Variants in PDZD2 observed in about 807,000 individuals in gnomAD.
PDZD2 encodes PDZ domain-containing protein 2.
Under a neutral mutation model 220.7 loss-of-function variants are expected in PDZD2, and 90 were observed. The ratio of observed to expected loss-of-function variants is 0.41; its 90% CI spans 0.34 to 0.49. The LOEUF (loss-of-function observed/expected upper bound fraction) is 0.49, where lower values mean the gene tolerates loss of function less well. Ranked by LOEUF, PDZD2 falls within the 20% of genes least tolerant of loss-of-function variation. The pLI, the probability that PDZD2 is intolerant of heterozygous loss-of-function variation, is 0.28. For missense variants in PDZD2, 3,174 were observed against 3,608.5 expected, an observed-to-expected ratio of 0.88 and a Z score of 3.08; for synonymous variants, 1,375 against 1,450.5, an observed-to-expected ratio of 0.95 and a Z score of 1.18.
intron 1 of PDZD2, among the ~76,000 whole-genome samples, chr5:31,750,406 T>C (rs1240655822): frequency 6.6e-6 from 1 of 152,134 alleles, no homozygotes; most frequent in Non-Finnish European, 1.5e-5. Context: ...TAGCAAGCAG[T>C]TGTCATGTAC....
At chr5:31,789,779 G>A (rs966435471) in intron 1 of PDZD2, among the ~76,000 whole-genome samples, 2 of 152,136 alleles carry the variant, frequency 1.3e-5, no homozygotes, top group Admixed American at 1.3e-4. Context: ...CTAGCCGGGT[G>A]TGGTGGCGGG....
intron 2 of PDZD2, among the ~76,000 whole-genome samples, chr5:31,905,409 C>T (rs528375171): frequency 8.2e-4 from 125 of 152,266 alleles, no homozygotes; most frequent in African/African-American, 3.0e-3. Context: ...CTCTTTTTCC[C>T]CTTCTCTACC....
chr5:31,736,130 C>G (rs1034180237), intron 1 of PDZD2, among the ~76,000 whole-genome samples: 8 of 152,142 alleles, frequency 5.3e-5, no homozygotes, highest in African/African-American at 1.7e-4. Flanking sequence ...CAGTTTTCAG[C>G]TATTCACTGG....
chr5:31,984,820 C>G (rs532498215), intron 3 of PDZD2, among the ~76,000 whole-genome samples: 2 of 152,144 alleles, frequency 1.3e-5, no homozygotes, highest in African/African-American at 4.8e-5. Context: ...AGAGCAATAC[C>G]CTGTCTCAAA....
At chr5:32,002,864 C>CA (rs1284027213) in intron 5 of PDZD2, among the ~76,000 whole-genome samples, 4 of 125,660 alleles carry the variant, frequency 3.2e-5, no homozygotes, top group African/African-American at 9.0e-5. Context: ...ACACACACAC[C>CA]CCACATACCA....
intron 1 of PDZD2, among the ~76,000 whole-genome samples, chr5:31,742,854 A>G (rs1750352506): frequency 1.3e-5 from 2 of 152,222 alleles, no homozygotes; most frequent in South Asian, 4.1e-4. Context: ...CTCTAAAAGC[A>G]TTTGGCTTAC....
chr5:31,974,241 A>G (rs1749554581), intron 2 of PDZD2, among the ~76,000 whole-genome samples: 1 of 152,296 alleles, frequency 6.6e-6, no homozygotes, highest in South Asian at 2.1e-4. Flanking sequence ...TTGGCCTCCA[A>G]AAGTGCTGGG....
At chr5:31,833,483 A>G (rs1248316972) in intron 2 of PDZD2, among the ~76,000 whole-genome samples, 2 of 2,496 alleles carry the variant, frequency 8.0e-4, no homozygotes, top group East Asian at 2.6e-3. Context: ...AAAAAGAAAA[A>G]AAAAAAAAAA....
At chr5:32,054,357 T>A (rs1738897122) in intron 10 of PDZD2, among the ~76,000 whole-genome samples, 1 of 119,702 alleles carries the variant, frequency 8.4e-6, no homozygotes, top group Admixed American at 1.1e-4. Flanking sequence ...AGGGTCTCAA[T>A]CTATCACCCA....
intron 3 of PDZD2, among the ~76,000 whole-genome samples, chr5:31,987,731 A>G (rs1229823132): frequency 6.6e-6 from 1 of 152,068 alleles, no homozygotes; most frequent in African/African-American, 2.4e-5. Context: ...CCCATCCCCA[A>G]AGTTTGCCCA....
At chr5:31,822,254 A>G (rs956563696) in intron 2 of PDZD2, among the ~76,000 whole-genome samples, 1 of 149,620 alleles carries the variant, frequency 6.7e-6, no homozygotes, top group Non-Finnish European at 1.5e-5. Flanking sequence ...ACATACACAA[A>G]CTTTTTTTCA....
chr5:31,936,436 T>A, intron 2 of PDZD2: 1 of 656,080 alleles, frequency 1.5e-6, no homozygotes. Flanking sequence ...ATTTTTTAAT[T>A]ATATGAGAGA....
chr5:31,817,862 C>A (rs1025239579), intron 2 of PDZD2, among the ~76,000 whole-genome samples: 2 of 151,950 alleles, frequency 1.3e-5, no homozygotes, highest in African/African-American at 4.8e-5. Context: ...CAGGATTTCA[C>A]CATGTTCGTA....
intron 1 of PDZD2, among the ~76,000 whole-genome samples, chr5:31,667,201 A>ACTC (rs2150115624): frequency 7.9e-6 from 1 of 127,336 alleles, no homozygotes; most frequent in East Asian, 2.4e-4. Context: ...GCGCCACTGC[A>ACTC]CTCTAACCTG....
intron 2 of PDZD2, chr5:31,923,677 G>A (rs1744491983): frequency 1.6e-6 from 1 of 645,138 alleles, no homozygotes; most frequent in African/African-American, 1.8e-5. Flanking sequence ...GTAGCAGAGT[G>A]GAACTTGTAC....
chr5:31,976,352 A>G (rs1749764932), intron 2 of PDZD2, among the ~76,000 whole-genome samples: 1 of 152,228 alleles, frequency 6.6e-6, no homozygotes, highest in South Asian at 2.1e-4. Context: ...TCAAAAGACC[A>G]CAAACAGCTT....
chr5:31,778,469 G>T (rs753939073), intron 1 of PDZD2, among the ~76,000 whole-genome samples: 73 of 151,952 alleles, frequency 4.8e-4, no homozygotes, highest in Non-Finnish European at 6.9e-4. Flanking sequence ...AGCGAGACCA[G>T]GAACCCACTG....
chr5:31,932,391 A>G (rs935134879), intron 2 of PDZD2, among the ~76,000 whole-genome samples: 1 of 152,156 alleles, frequency 6.6e-6, no homozygotes, highest in Non-Finnish European at 1.5e-5. Flanking sequence ...TCTACTAAAA[A>G]TACAAAAATT....
intron 2 of PDZD2, among the ~76,000 whole-genome samples, chr5:31,837,813 A>G (rs1381240953): frequency 2.6e-5 from 4 of 152,102 alleles, no homozygotes; most frequent in Non-Finnish European, 4.4e-5. Flanking sequence ...CCTGAGCCCA[A>G]TAGGTAGAGG....
Sources: allele counts gnomAD v4.1 joint callset (sites outside exome capture counted in the v4.1 genomes callset), GRCh38; gene constraint gnomAD v4.1.1; transcripts MANE v1.5; gene names NCBI Gene and HGNC (gene_info 2026-07-23, HGNC 2026-07-21).